CFAP65: variants seen among roughly 807,000 people sequenced by gnomAD.
The protein encoded by CFAP65 is cilia and flagella associated protein 65.
CFAP65 carries 155 observed loss-of-function variants against 208.0 expected under a neutral mutation model. The ratio of observed to expected loss-of-function variants is 0.75; its 90% CI spans 0.65 to 0.85. CFAP65 has a LOEUF of 0.85. Among genes scored for constraint, CFAP65 ranks in the 40% least tolerant of loss-of-function variants. The probability of loss-of-function intolerance (pLI) is 0.00; values close to 1 mark genes in which losing one functional copy is unlikely to be tolerated. For missense variants in CFAP65, 2,294 were observed against 2,451.3 expected, an observed-to-expected ratio of 0.94 and a Z score of 1.36; for synonymous variants, 970 against 986.3, an observed-to-expected ratio of 0.98 and a Z score of 0.31.
intron 31 of CFAP65, 82 bp from the exon 32 acceptor site, chr2:219,005,644 C>A: frequency 6.5e-7 from 1 of 1,540,932 alleles, no homozygotes; most frequent in East Asian, 2.3e-5. Flanking sequence ...GGTAGCTGCC[C>A]AGTGATGAGG....
chr2:219,005,745 G>A lies in CFAP65; in HGVS notation c.4923-183C>T, dbSNP rs140456249. ...AAGCTCAAACCCTCAGAGTTAGCAC[G>A]GGAGCTAGAGAGACTCCCAGTTGGA... On this transcript the variant is annotated intron_variant, in intron 31 of 34. Transcript: ENST00000341552. 9.8e-4 allele frequency among the ~76,000 whole-genome samples: 149 copies of A among 152,260 alleles called. 1 individual carries two copies. The highest frequency in any genetic ancestry group is 3.4e-3 in the African/African-American group (142 of 41,566).
At position 219,031,624 on chromosome 2, in the gene CFAP65, G is replaced by A. The variant is rs373312387; in HGVS notation, c.680C>T (p.Ala227Val). ...EYMDQLWFEK[A>V]EGMFCVGLRA... ...TAGGCCGACACAGAACATCCCCTCC[G>A]CTTTCTCAAACCACAGCTGGTCCAT... Residue 227 changes from alanine to valine, a missense_variant, in exon 7 of 35, where the codon GCG becomes GTG. Physicochemically the swap from Ala to Val is moderately conservative, Grantham distance 64. Around this residue, in one of 2 missense-constraint regions of CFAP65, gnomAD observed 867 missense variants for 1,012.6 expected, o/e 0.86. Coordinates refer to ENST00000341552, the MANE Select transcript of CFAP65 (RefSeq NM_194302.4). This position sits in a 1 kb window ranked among gnomAD's most constrained non-coding sequence, Gnocchi z 5.2. The A allele has an allele frequency of 5.1e-5, 82 of 1,613,328 alleles. No homozygotes were observed. Among genetic ancestry groups the A allele is most frequent in the Non-Finnish European group, 6.2e-5 (73 of 1,179,672 alleles).
chr2:219,027,205 G>A (rs940513193), intron 13 of CFAP65: 20 of 1,277,756 alleles, frequency 1.6e-5, no homozygotes, highest in Middle Eastern at 3.0e-4. Flanking sequence ...CCGACCCAGG[G>A]AAGCTGAGTC....
At position 219,003,828 on chromosome 2, in the gene CFAP65, C is replaced by T; in HGVS notation, c.5555+124G>A. ...AGGCCTTAAGCTACCAACATGACCT[C>T]ACTAAGCACTGAATTAGGATGAGAT... On this transcript the variant is annotated intron_variant, in intron 33 of 34. Coordinates refer to ENST00000341552, the MANE Select transcript of CFAP65 (RefSeq NM_194302.4). This position sits in a 1 kb window ranked among gnomAD's most constrained non-coding sequence, Gnocchi z 4.4. 1 of 1,195,490 alleles carries T rather than the reference C, an allele frequency of 8.4e-7. No homozygotes were observed. Among genetic ancestry groups the T allele is most frequent in the Non-Finnish European group, 1.2e-6 (1 of 846,042 alleles). 74.1% of individuals were successfully genotyped at this position (1,195,490 alleles called of 1,614,324 possible).
intron 19 of CFAP65, 76 bp from the exon 20 acceptor site, chr2:219,019,795 G>T (rs930317014): frequency 3.1e-6 from 4 of 1,281,590 alleles, no homozygotes; most frequent in African/African-American, 1.5e-5. Flanking sequence ...GGCCAAAGGT[G>T]CAGGAGTCCT....
In CFAP65 at chr2:219,032,061, A is replaced by C. The variant is rs1376210966; in HGVS notation, c.646-403T>G. Among the ~76,000 whole-genome samples, 1 of 151,774 alleles carries C rather than the reference A, an allele frequency of 6.6e-6. No homozygotes were observed. The highest frequency in any genetic ancestry group is 6.6e-5 in the Admixed American group (1 of 15,230). On this transcript the variant is annotated intron_variant, in intron 6 of 34. Coordinates refer to ENST00000341552, the MANE Select transcript of CFAP65 (RefSeq NM_194302.4). This position sits in a 1 kb window ranked among gnomAD's most constrained non-coding sequence, Gnocchi z 5.5. ...CAGCCTCCCAAGTAGCTGGGACTAC[A>C]GGCATGTGCCACCATGCCTGGTTAA...
At chr2:219,009,670 A>G (rs10199697) in intron 27 of CFAP65, among the ~76,000 whole-genome samples, 22 of 56,346 alleles carry the variant, frequency 3.9e-4, no homozygotes, top group South Asian at 9.0e-4. Context: ...ATGGGGTGGG[A>G]TGGGGTGGGG....
chr2:219,022,018 A>C, intron 17 of CFAP65, 88 bp from the exon 18 acceptor site: 2 of 1,563,326 alleles, frequency 1.3e-6, no homozygotes, highest in Non-Finnish European at 1.7e-6. Context: ...AGCATCCCCC[A>C]AGGAAGGGCA....
At chr2:219,027,086 G>A (rs1288674622) in intron 13 of CFAP65, 2 of 1,041,652 alleles carry the variant, frequency 1.9e-6, no homozygotes, top group Non-Finnish European at 2.3e-6. Context: ...GGGCAGTGGG[G>A]TGGGCAGAGT....
chr2:219,008,913 T>C, intron 29 of CFAP65, 134 bp downstream of exon 29: 3 of 673,650 alleles, frequency 4.5e-6, no homozygotes, highest in Non-Finnish European at 5.3e-6. Context: ...CTGAGTCCAG[T>C]GAATGAAATG....
chr2:219,029,971 T>G lies in CFAP65; in HGVS notation c.1384+15A>C, dbSNP rs1559153714. ...TGCTCCTGTCCCCAGGGGAGGCCCC[T>G]GGGGTCACCGGTACCTCTACAGAAA... On this transcript the variant is annotated intron_variant, in intron 10 of 34. Coordinates refer to ENST00000341552, the MANE Select transcript of CFAP65 (RefSeq NM_194302.4). 6.2e-7 allele frequency: 1 copy of G among 1,611,616 alleles called. No individual in the cohort carries two copies. Among genetic ancestry groups the G allele is most frequent in the Non-Finnish European group, 8.5e-7 (1 of 1,178,330 alleles).
rs76693113 is a variant in CFAP65, at chr2:219,024,320, C to T, written c.2350-60G>A. 4.0e-3 allele frequency: 6,187 copies of T among 1,557,364 alleles called. 197 individuals are homozygous for T. In the African/African-American group the frequency reaches 0.07, roughly 18 times the overall value. On this transcript the variant is annotated intron_variant, in intron 14 of 34. Coordinates refer to ENST00000341552, the MANE Select transcript of CFAP65 (RefSeq NM_194302.4). ...TCAGACCTCCACCCTGGGACACACA[C>T]TCAGGGCCCTATGGGGGCTTGGGAG...
rs374938739 is a variant in CFAP65, at chr2:219,021,826, G to A, written c.3084C>T (p.Leu1028=). ...NDGNCTLYYR[L]YLEQGSPEAV... ...CCTCAGGGCTGCCCTGCTCCAGGTA[G>A]AGGCGGTAATAGAGGGTGCAGTTGC... Residue 1028 remains leucine (L), a synonymous_variant, in exon 18 of 35, where the codon CTC becomes CTT. Coordinates refer to ENST00000341552, the MANE Select transcript of CFAP65 (RefSeq NM_194302.4). 81 of 1,613,726 alleles carry A rather than the reference G, an allele frequency of 5.0e-5. No homozygotes were observed. Among genetic ancestry groups the A allele is most frequent in the Non-Finnish European group, 6.8e-5 (80 of 1,180,020 alleles).
At position 219,032,592 on chromosome 2, in the gene CFAP65, G is replaced by A. The variant is rs542655747; in HGVS notation, c.543-20C>T. ...GGGGGCCTGCAGGAGAGAGCCGGTG[G>A]GGAGCACCTCAGATCAGGGCTCAGA... On this transcript the variant is annotated intron_variant, in intron 5 of 34. Coordinates refer to ENST00000341552, the MANE Select transcript of CFAP65 (RefSeq NM_194302.4). The surrounding 1 kb of genome is among the most constrained non-coding windows in gnomAD (Gnocchi z 5.5). 2 of 1,572,718 alleles carry A rather than the reference G, an allele frequency of 1.3e-6. No homozygotes were observed. Among genetic ancestry groups the A allele is most frequent in the African/African-American group, 1.3e-5 (1 of 74,090 alleles).
At position 219,038,561 on chromosome 2, in the gene CFAP65, A is replaced by G. The variant is rs377353434; in HGVS notation, c.171T>C (p.Ala57=). ...TGTCCTTGGGACACAGTCCAAAGGG[A>G]GCACTCTGAGTATGGAGCTGGGAAG... ...KSQIKLHTQS[A]PFGLCPKDMM... is the part of the protein sequence containing the mutation. Residue 57 remains alanine (A), a synonymous_variant, in exon 4 of 35, where the codon GCT becomes GCC. Transcript: ENST00000341552. The G allele has an allele frequency of 8.7e-6, 14 of 1,613,718 alleles. No individual in the cohort carries two copies. The African/African-American group carries it at 1.7e-4, about 20-fold the overall frequency.
At position 219,003,885 on chromosome 2, in the gene CFAP65, C is replaced by A; in HGVS notation, c.5555+67G>T. The A allele has an allele frequency of 6.5e-7, 1 of 1,546,138 alleles. No individual in the cohort carries two copies. The highest frequency in any genetic ancestry group is 1.3e-5 in the South Asian group (1 of 79,804). Reference sequence around the variant, plus strand: ...ACAGGCAGCAGCCATCCTTGGCATCCCACTGCCTCCTAGGAACCTTCTGCA... The same window carrying A: ...ACAGGCAGCAGCCATCCTTGGCATCACACTGCCTCCTAGGAACCTTCTGCA... On this transcript the variant is annotated intron_variant, in intron 33 of 34. Transcript: ENST00000341552. The surrounding 1 kb of genome is among the most constrained non-coding windows in gnomAD (Gnocchi z 4.4).
At position 219,032,403 on chromosome 2, in the gene CFAP65, T is replaced by C; in HGVS notation, c.645+67A>G. ...CGGGGCGCTCCTGGTTGCTCTGTCC[T>C]GTTTTCTGTTCTGAGGTCACTGCTC... On this transcript the variant is annotated intron_variant, in intron 6 of 34. Coordinates refer to ENST00000341552, the MANE Select transcript of CFAP65 (RefSeq NM_194302.4). The surrounding 1 kb of genome is among the most constrained non-coding windows in gnomAD (Gnocchi z 5.5). 1 of 1,417,998 alleles carries C rather than the reference T, an allele frequency of 7.1e-7. No homozygotes were observed. Among genetic ancestry groups the C allele is most frequent in the South Asian group, 1.3e-5 (1 of 77,740 alleles). The allele number at this position is 1,417,998 out of a possible 1,614,324, so 87.8% of individuals were successfully genotyped here.
chr2:219,010,093 TGGA>T lies in CFAP65; in HGVS notation c.4309-11_4309-9del, dbSNP rs1946364853. On this transcript the variant is annotated splice_polypyrimidine_tract_variant and intron_variant, in intron 26 of 34. Coordinates refer to ENST00000341552, the MANE Select transcript of CFAP65 (RefSeq NM_194302.4). ...CTGGGACAGGAAGACATTCTGTGGG[TGGA>T]GAGCGGAGGTAAAGAAATAAGAACC... 1 of 1,583,792 alleles carries T rather than the reference TGGA, an allele frequency of 6.3e-7. No individual in the cohort carries two copies. The highest frequency in any genetic ancestry group is 8.6e-7 in the Non-Finnish European group (1 of 1,164,162).
chr2:219,041,322 T>G (rs1948644219), intron 1 of CFAP65, 166 bp downstream of exon 1: 1 of 621,600 alleles, frequency 1.6e-6, no homozygotes, highest in African/African-American at 1.9e-5. Context: ...CTTAGTCTGA[T>G]TGATCTCGCC....
Sources: allele counts gnomAD v4.1 joint callset (sites outside exome capture counted in the v4.1 genomes callset), GRCh38; gene constraint gnomAD v4.1.1; regional missense constraint gnomAD v4.1.1; non-coding constraint Gnocchi (gnomAD v3.1); transcripts MANE v1.5; gene names NCBI Gene and HGNC (gene_info 2026-07-23, HGNC 2026-07-21).